The following RHOQ variants were observed in gnomAD, a reference collection of about 807,000 sequenced individuals.
The protein encoded by RHOQ is rho-related GTP-binding protein RhoQ.
In RHOQ, 7 loss-of-function variants were observed where a neutral mutation model predicts 25.8. The ratio of observed to expected loss-of-function variants is 0.27; its 90% CI spans 0.15 to 0.51. The LOEUF is 0.51. Ranked by LOEUF, RHOQ falls within the 20% of genes least tolerant of loss-of-function variation. The pLI is 0.97. For missense variants in RHOQ, 165 were observed against 260.6 expected (o/e 0.63, Z 2.53); for synonymous variants, 97 against 98.6 (o/e 0.98, Z 0.10).
intron 2 of RHOQ, among the ~76,000 whole-genome samples, chr2:46,572,121 T>TTTTTTG (rs1668944589): frequency 1.4e-5 from 2 of 138,294 alleles, no homozygotes; most frequent in African/African-American, 5.7e-5. Flanking sequence ...TTTTTTTTTT[T>TTTTTTG]TTTTTTTTTT....
At chr2:46,580,392 C>T (rs778796404) in intron 4 of RHOQ, 1 of 152,248 alleles carries the variant, frequency 6.6e-6, no homozygotes, top group Non-Finnish European at 1.5e-5. Context: ...TGATCTTGTT[C>T]CTTGACTGCT....
intron 2 of RHOQ, among the ~76,000 whole-genome samples, chr2:46,575,623 G>C (rs966336543): frequency 1.3e-5 from 2 of 152,112 alleles, no homozygotes; most frequent in Admixed American, 1.3e-4. Context: ...TTACTCAAAT[G>C]AAAGTCAGGA....
At position 46,542,634 on chromosome 2, in the gene RHOQ, G is replaced by C. The variant is rs1197617529; in HGVS notation, c.-413G>C. 1 of 146,612 alleles carries C rather than the reference G, an allele frequency of 6.8e-6. No homozygotes were observed. Among genetic ancestry groups the C allele is most frequent in the African/African-American group, 2.4e-5 (1 of 40,892 alleles). 9.1% of individuals were successfully genotyped at this position (146,612 alleles called of 1,614,324 possible). A position where few individuals can be genotyped will look rare whatever the true frequency, so the allele number is the denominator to read the frequency against. On this transcript the variant is annotated 5_prime_UTR_variant, in exon 1 of 5. Coordinates refer to ENST00000238738, the MANE Select transcript of RHOQ (RefSeq NM_012249.4). ...TGGGCCCGCCCTCCTCCGGGGCGCC[G>C]CGGGAGGGGCCCGGGTTGGCGCGGG... is the stretch of plus-strand genomic sequence containing the variant.
intron 2 of RHOQ, among the ~76,000 whole-genome samples, chr2:46,546,711 A>G (rs1237817286): frequency 1.3e-5 from 2 of 151,712 alleles, no homozygotes; most frequent in East Asian, 3.9e-4. Context: ...AGGCTGGCTT[A>G]AACTCTTTAA....
rs1360104406 is a variant in RHOQ at position 46,548,080 on chromosome 2, G to A, written c.201+4268G>A. Among the ~76,000 whole-genome samples the A allele has an allele frequency of 6.6e-6, 1 of 151,976 alleles. No homozygotes were observed. The highest frequency in any genetic ancestry group is 2.4e-5 in the African/African-American group (1 of 41,258). The stretch of plus-strand genomic sequence containing the variant: ...TTCCAGATTTAGCCACTGTCTCAGT[G>A]TGTGGAAGTCAATTTGTGTGCTTTG... On this transcript the variant is annotated intron_variant, in intron 2 of 4. Transcript: ENST00000238738. This position sits in a 1 kb window ranked among gnomAD's most constrained non-coding sequence, Gnocchi z 5.2.
In RHOQ at chr2:46,576,415, GA is replaced by G. The variant is rs1209655003; in HGVS notation, c.367-143del. The G allele has an allele frequency of 4.5e-6, 4 of 895,944 alleles. No homozygotes were observed. The African/African-American group carries it at 6.8e-5, about 15-fold the overall frequency. 55.5% of individuals were successfully genotyped at this position (895,944 alleles called of 1,614,324 possible). On this transcript the variant is annotated intron_variant, in intron 3 of 4. Transcript: ENST00000238738. This position sits in a 1 kb window ranked among gnomAD's most constrained non-coding sequence, Gnocchi z 5.1. The stretch of plus-strand genomic sequence containing the variant: ...ATTTTTGGAAAAAATTGTGCCAAAA[GA>G]AAGCAATTATTTTCCTGGTTTTTAA...
intron 2 of RHOQ, among the ~76,000 whole-genome samples, chr2:46,553,072 C>A (rs1668291210): frequency 6.6e-6 from 1 of 152,134 alleles, no homozygotes; most frequent in Non-Finnish European, 1.5e-5. Flanking sequence ...TGTTAGACAT[C>A]CAAATTCTTA....
chr2:46,576,410 C>A lies in RHOQ; in HGVS notation c.367-151C>A. Reference sequence around the variant, plus strand: ...ATCATATTTTTGGAAAAAATTGTGCCAAAAGAAAGCAATTATTTTCCTGGT... The same window carrying A: ...ATCATATTTTTGGAAAAAATTGTGCAAAAAGAAAGCAATTATTTTCCTGGT... On this transcript the variant is annotated intron_variant, in intron 3 of 4. Coordinates refer to ENST00000238738, the MANE Select transcript of RHOQ (RefSeq NM_012249.4). The surrounding 1 kb of genome is among the most constrained non-coding windows in gnomAD (Gnocchi z 5.1). 1 of 876,250 alleles carries A rather than the reference C, an allele frequency of 1.1e-6. No homozygotes were observed. Among genetic ancestry groups the A allele is most frequent in the Non-Finnish European group, 1.7e-6 (1 of 576,890 alleles). 54.3% of individuals were successfully genotyped at this position (876,250 alleles called of 1,614,324 possible). A position where few individuals can be genotyped will look rare whatever the true frequency, so the allele number is the denominator to read the frequency against.
At chr2:46,547,021 T>G (rs562542773) in intron 2 of RHOQ, among the ~76,000 whole-genome samples, 1 of 152,174 alleles carries the variant, frequency 6.6e-6, no homozygotes, top group Non-Finnish European at 1.5e-5. Context: ...TGGTTTTCTG[T>G]CTTAAGCAGA....
chr2:46,572,133 T>C (rs1348071679), intron 2 of RHOQ, among the ~76,000 whole-genome samples: 11 of 146,438 alleles, frequency 7.5e-5, no homozygotes, highest in Admixed American at 2.0e-4. Context: ...TTTTTTTTTT[T>C]TGAGACAGGG....
At chr2:46,544,004 G>GCC (rs201808906) in intron 2 of RHOQ, among the ~76,000 whole-genome samples, 192 bp downstream of exon 2, 1 of 151,878 alleles carries the variant, frequency 6.6e-6, no homozygotes, top group African/African-American at 2.4e-5. Context: ...AGCCGGATAA[G>GCC]CCCCCCCCAT....
At chr2:46,562,791 C>G (rs1270062678) in intron 2 of RHOQ, among the ~76,000 whole-genome samples, 2 of 152,128 alleles carry the variant, frequency 1.3e-5, no homozygotes, top group Admixed American at 6.5e-5. Flanking sequence ...AAATACCTGA[C>G]TTTAGTCCTT....
intron 2 of RHOQ, among the ~76,000 whole-genome samples, chr2:46,547,175 G>C (rs1241332226): frequency 6.6e-6 from 1 of 152,202 alleles, no homozygotes; most frequent in Non-Finnish European, 1.5e-5. Flanking sequence ...CAGGTCAGTT[G>C]CCTTCTCTCC....
At chr2:46,579,517 C>G (rs1669266669) in intron 4 of RHOQ, among the ~76,000 whole-genome samples, 1 of 152,210 alleles carries the variant, frequency 6.6e-6, no homozygotes, top group South Asian at 2.1e-4. Context: ...AGATATGATT[C>G]TTCTTTTACC....
intron 2 of RHOQ, among the ~76,000 whole-genome samples, chr2:46,546,451 C>CATATATATATAT (rs58602087): frequency 2.1e-5 from 1 of 47,128 alleles, no homozygotes; most frequent in Non-Finnish European, 4.3e-5. Context: ...TACACATATA[C>CATATATATATAT]ATATATATAT....
chr2:46,561,063 ATCTC>A (rs1373392600), intron 2 of RHOQ, among the ~76,000 whole-genome samples: 7 of 150,454 alleles, frequency 4.7e-5, no homozygotes, highest in Admixed American at 1.3e-4. Flanking sequence ...ATAGACATAT[ATCTC>A]TCTAATATAT....
At position 46,543,981 on chromosome 2, in the gene RHOQ, A is replaced by G. The variant is rs192367402; in HGVS notation, c.201+169A>G. ...ACAAGTCAGCAAATTAGGAAAACAA[A>G]CAAAACAAACAGAGCCGGATAAGCC... On this transcript the variant is annotated intron_variant, in intron 2 of 4. Coordinates refer to ENST00000238738, the MANE Select transcript of RHOQ (RefSeq NM_012249.4). 4.6e-5 allele frequency among the ~76,000 whole-genome samples: 7 copies of G among 152,278 alleles called. No homozygotes were observed. The East Asian group carries it at 1.4e-3, about 29-fold the overall frequency.
At position 46,572,107 on chromosome 2, in the gene RHOQ, G is replaced by GTTTTTTTTTTTTTT. The variant is rs746265771; in HGVS notation, c.202-3966_202-3953dup. On this transcript the variant is annotated intron_variant, in intron 2 of 4. Coordinates refer to ENST00000238738, the MANE Select transcript of RHOQ (RefSeq NM_012249.4). ...GATTCTTATCAGGTGGTAAGTGTGT[G>GTTTTTTTTTTTTTT]TTTTTTTTTTTTTTTTTTTTTTTTT... 4.5e-5 allele frequency among the ~76,000 whole-genome samples: 3 copies of GTTTTTTTTTTTTTT among 66,258 alleles called. 1 individual carries two copies. Among genetic ancestry groups the GTTTTTTTTTTTTTT allele is most frequent in the South Asian group, 1.2e-3 (2 of 1,724 alleles). The allele number at this position is 66,258 out of a possible 152,430, so 43.5% of individuals were successfully genotyped here. A position where few individuals can be genotyped will look rare whatever the true frequency, so the allele number is the denominator to read the frequency against.
In RHOQ at chr2:46,543,824, G is replaced by C; in HGVS notation, c.201+12G>C. ...ACACGGCCGGACAGGTGAGTGTCTTGGCCTCTGGCCGACGCCCCCCTCCTG... is the reference window on the plus strand; with the variant it reads ...ACACGGCCGGACAGGTGAGTGTCTTCGCCTCTGGCCGACGCCCCCCTCCTG... On this transcript the variant is annotated intron_variant, in intron 2 of 4. Coordinates refer to ENST00000238738, the MANE Select transcript of RHOQ (RefSeq NM_012249.4). 1 of 1,611,328 alleles carries C rather than the reference G, an allele frequency of 6.2e-7. No homozygotes were observed. The highest frequency in any genetic ancestry group is 1.1e-5 in the South Asian group (1 of 90,570).
Sources: allele counts gnomAD v4.1 joint callset (sites outside exome capture counted in the v4.1 genomes callset), GRCh38; gene constraint gnomAD v4.1.1; non-coding constraint Gnocchi (gnomAD v3.1); transcripts MANE v1.5; gene names NCBI Gene and HGNC (gene_info 2026-07-23, HGNC 2026-07-21).